HNRNPA2B1: variants seen among roughly 807,000 people sequenced by gnomAD.
HNRNPA2B1 encodes heterogeneous nuclear ribonucleoproteins A2/B1.
Under a neutral mutation model 46.3 loss-of-function variants are expected in HNRNPA2B1, and 3 were observed. The ratio of observed to expected loss-of-function variants is 0.06; its 90% CI spans 0.03 to 0.17. The LOEUF is 0.17. Among genes scored for constraint, HNRNPA2B1 ranks in the 10% least tolerant of loss-of-function variants. HNRNPA2B1 has a pLI of 1.00. For missense variants in HNRNPA2B1, 221 were observed against 418.9 expected (o/e 0.53, Z 4.12); for synonymous variants, 225 against 133.8 (o/e 1.68, Z -4.70).
chr7:26,195,989 T>TAC, intron 6 of HNRNPA2B1, 80 bp from the exon 7 acceptor site: 1 of 1,512,296 alleles, frequency 6.6e-7, no homozygotes, highest in Non-Finnish European at 8.8e-7. Context: ...GTTCTCTTAC[T>TAC]ACCTCAGCAC....
At chr7:26,200,455 A>T in intron 1 of HNRNPA2B1, 117 bp downstream of exon 1, 1 of 1,006,902 alleles carries the variant, frequency 9.9e-7, no homozygotes, top group Non-Finnish European at 1.6e-6. Context: ...CCCCACTGCT[A>T]CTGAATTGGT....
rs189530960 is a variant in HNRNPA2B1 at position 26,194,131 on chromosome 7, C to T, written c.722-437G>A. 4.9e-4 allele frequency among the ~76,000 whole-genome samples: 74 copies of T among 152,310 alleles called. No homozygotes were observed. In the Middle Eastern group the frequency reaches 0.017, roughly 35 times the overall value. ...ATGTTCTCGGTTGGGCACAGTGGCTCATGCCTGTAATCCCAGCACTTTGGG... is the reference window on the plus strand; with the variant it reads ...ATGTTCTCGGTTGGGCACAGTGGCTTATGCCTGTAATCCCAGCACTTTGGG... On this transcript the variant is annotated intron_variant, in intron 7 of 10. Coordinates refer to ENST00000618183, the MANE Select transcript of HNRNPA2B1 (RefSeq NM_002137.4).
In HNRNPA2B1 at chr7:26,197,355, T is replaced by C; in HGVS notation, c.224A>G (p.Asp75Gly). 6.2e-7 allele frequency: 1 copy of C among 1,613,894 alleles called. No individual in the cohort carries two copies. Among genetic ancestry groups the C allele is most frequent in the Non-Finnish European group, 8.5e-7 (1 of 1,179,900 alleles). Residue 75 changes from aspartate (D) to glycine (G), a missense_variant, in exon 3 of 11, where the codon GAT (aspartate) becomes GGT (glycine). Asp to Gly is a moderately conservative substitution (Grantham distance 94, BLOSUM62 -1). Transcript: ENST00000618183. Reference sequence around the variant, plus strand: ...ACGTTTTGGCTCAACTACTCTCCCATCAATTGAATGAGGTCTTGCAGCCAT... The same window carrying C: ...ACGTTTTGGCTCAACTACTCTCCCACCAATTGAATGAGGTCTTGCAGCCAT... ...AAMAARPHSI[D>G]GRVVEPKRAV... is the part of the protein sequence containing the mutation.
chr7:26,198,541 T>A (rs1368671841), intron 1 of HNRNPA2B1: 3 of 151,962 alleles, frequency 2.0e-5, no homozygotes, highest in Non-Finnish European at 4.4e-5. Flanking sequence ...GCATAATCTC[T>A]AAGATAACAA....
chr7:26,192,681 C>G (rs1026345075), intron 9 of HNRNPA2B1, 104 bp from the exon 10 acceptor site: 22 of 927,716 alleles, frequency 2.4e-5, no homozygotes, highest in South Asian at 4.1e-5. Flanking sequence ...GTCTTTTAAA[C>G]AAGCAGATCC....
chr7:26,195,980 T>C, intron 6 of HNRNPA2B1, 71 bp from the exon 7 acceptor site: 1 of 1,526,474 alleles, frequency 6.6e-7, no homozygotes, highest in Non-Finnish European at 8.8e-7. Context: ...TCATTTTCAG[T>C]TCTCTTACTA....
chr7:26,195,275 T>TATA (rs1783431403), intron 7 of HNRNPA2B1, among the ~76,000 whole-genome samples: 1 of 152,178 alleles, frequency 6.6e-6, no homozygotes, highest in South Asian at 2.1e-4. Flanking sequence ...TCAAGTCTAT[T>TATA]ACCAGCTCAG....
intron 7 of HNRNPA2B1, among the ~76,000 whole-genome samples, chr7:26,194,894 G>A (rs1478607806): frequency 6.6e-6 from 1 of 151,474 alleles, no homozygotes; most frequent in African/African-American, 2.4e-5. Context: ...AGGAGTTCAA[G>A]ACCAGCCTGA....
chr7:26,200,533 A>C lies in HNRNPA2B1; in HGVS notation c.6+39T>G, dbSNP rs544233757. On this transcript the variant is annotated intron_variant, in intron 1 of 10. Transcript: ENST00000618183. ...CCACTGAGGCGCCAACGGCCTCGCCATGCCCTTTTCAATAACTCATTGATT... is the reference window on the plus strand; with the variant it reads ...CCACTGAGGCGCCAACGGCCTCGCCCTGCCCTTTTCAATAACTCATTGATT... 4.3e-6 allele frequency: 7 copies of C among 1,610,528 alleles called. No individual in the cohort carries two copies. The South Asian group carries it at 7.7e-5, about 18-fold the overall frequency.
At chr7:26,193,872 C>T (rs962586145) in intron 7 of HNRNPA2B1, among the ~76,000 whole-genome samples, 178 bp from the exon 8 acceptor site, 3 of 152,198 alleles carry the variant, frequency 2.0e-5, no homozygotes, top group African/African-American at 7.2e-5. Context: ...GCTGGGGTTA[C>T]TCAGCCAAAT....
At chr7:26,192,774 T>C (rs1333336531) in intron 9 of HNRNPA2B1, among the ~76,000 whole-genome samples, 197 bp from the exon 10 acceptor site, 1 of 152,236 alleles carries the variant, frequency 6.6e-6, no homozygotes, top group Non-Finnish European at 1.5e-5. Flanking sequence ...TGGCTGACCC[T>C]ATTCTTTTAA....
chr7:26,197,505 G>T (rs558122025), intron 2 of HNRNPA2B1, 44 bp from the exon 3 acceptor site: 1 of 1,597,338 alleles, frequency 6.3e-7, no homozygotes, highest in Admixed American at 1.7e-5. Context: ...TCTCATTATA[G>T]CTTATAAGTG....
intron 1 of HNRNPA2B1, chr7:26,200,228 CGAG>C (rs1424547647): frequency 4.3e-4 from 139 of 321,574 alleles, no homozygotes; most frequent in Non-Finnish European, 4.7e-5. Flanking sequence ...AAACGCTCGC[CGAG>C]GAGACGCCGT....
chr7:26,197,475 G>A lies in HNRNPA2B1; in HGVS notation c.118-14C>T, dbSNP rs538106204. On this transcript the variant is annotated splice_polypyrimidine_tract_variant and intron_variant, in intron 2 of 10. Transcript: ENST00000618183. ...ATCCCTCATTACCTTTCAAACCAAA[G>A]GGTAAACTTTAGCATTTAATCTCAT... The A allele has an allele frequency of 1.2e-5, 20 of 1,611,834 alleles. No homozygotes were observed. The African/African-American group carries it at 2.1e-4, about 17-fold the overall frequency.
intron 3 of HNRNPA2B1, 130 bp from the exon 4 acceptor site, chr7:26,197,147 G>A (rs1486914114): frequency 9.0e-6 from 10 of 1,106,272 alleles, no homozygotes; most frequent in Non-Finnish European, 1.3e-5. Flanking sequence ...AGCTTTTAGG[G>A]ACCTAGCTTT....
Position 26,190,623 on chromosome 7 carries a change from C to G in HNRNPA2B1, c.*1737G>C, listed in dbSNP as rs1052952410. On this transcript the variant is annotated 3_prime_UTR_variant, in exon 11 of 11. Transcript: ENST00000618183. Reference sequence around the variant, plus strand: ...AAGGCAATAAAGCCGGGCAATCAAACTGATCATATCTAAGGAATGAATTTC... The same window carrying G: ...AAGGCAATAAAGCCGGGCAATCAAAGTGATCATATCTAAGGAATGAATTTC... 6.6e-6 allele frequency: 1 copy of G among 152,186 alleles called. No homozygotes were observed. Among genetic ancestry groups the G allele is most frequent in the African/African-American group, 2.4e-5 (1 of 41,444 alleles). 9.4% of individuals were successfully genotyped at this position (152,186 alleles called of 1,614,324 possible). A position where few individuals can be genotyped will look rare whatever the true frequency, so the allele number is the denominator to read the frequency against.
At position 26,195,121 on chromosome 7, in the gene HNRNPA2B1, TAA is replaced by T. The variant is rs779105929; in HGVS notation, c.721+724_721+725del. On this transcript the variant is annotated intron_variant, in intron 7 of 10. Coordinates refer to ENST00000618183, the MANE Select transcript of HNRNPA2B1 (RefSeq NM_002137.4). ...AAAAAAAAAAAAAAAGAAACCATAT[TAA>T]AAAAAAAAAAAAAGCTTGTGGGCTG... 3.4e-4 allele frequency among the ~76,000 whole-genome samples: 40 copies of T among 118,726 alleles called. 1 individual carries two copies. In the South Asian group the frequency reaches 5.1e-3, roughly 15 times the overall value. The allele number at this position is 118,726 out of a possible 152,430, so 77.9% of individuals were successfully genotyped here.
rs1562717890 is a variant in HNRNPA2B1 at position 26,197,510 on chromosome 7, TA to T, written c.118-50del. On this transcript the variant is annotated intron_variant, in intron 2 of 10. Coordinates refer to ENST00000618183, the MANE Select transcript of HNRNPA2B1 (RefSeq NM_002137.4). The stretch of plus-strand genomic sequence containing the variant: ...TAGCATTTAATCTCATTATAGCTTA[TA>T]AGTGAAGTCATAATAGAATTTTTTA... 1.3e-5 allele frequency: 20 copies of T among 1,593,654 alleles called. No individual in the cohort carries two copies. The East Asian group carries it at 4.5e-4, about 36-fold the overall frequency.
chr7:26,200,089 T>A, intron 1 of HNRNPA2B1: 1 of 174,110 alleles, frequency 5.7e-6, no homozygotes, highest in Admixed American at 5.6e-5. Context: ...ACTAAGAAAA[T>A]AAAAGAGTTA....
Sources: gnomAD v4.1 joint callset for allele counts (sites outside exome capture counted in the v4.1 genomes callset) on GRCh38, gnomAD v4.1.1 for gene constraint, MANE v1.5 for transcripts, NCBI Gene and HGNC (gene_info 2026-07-23, HGNC 2026-07-21) for gene names.